The following MTUS1 variants were observed in gnomAD, a reference collection of about 807,000 sequenced individuals.
MTUS1 encodes the protein microtubule associated scaffold protein 1, also known as microtubule-associated tumor suppressor 1.
MTUS1 carries 109 observed loss-of-function variants against 120.8 expected under a neutral mutation model. The ratio of observed to expected loss-of-function variants is 0.90; its 90% CI spans 0.77 to 1.06. MTUS1 has a LOEUF of 1.06. Among genes scored for constraint, MTUS1 ranks in the 50% least tolerant of loss-of-function variants. The probability of loss-of-function intolerance (pLI) is 0.00; values close to 1 mark genes in which losing one functional copy is unlikely to be tolerated. For synonymous variants in MTUS1, 737 were observed against 550.5 expected, an observed-to-expected ratio of 1.34 and a Z score of -4.74; for missense variants, 2,210 against 1,486.3, an observed-to-expected ratio of 1.49 and a Z score of -8.01.
In MTUS1 at chr8:17,754,138, G is replaced by A. The variant is rs772008405; in HGVS notation, c.1670C>T (p.Pro557Leu). Residue 557 changes from proline (P) to leucine (L), a missense_variant, in exon 2 of 15, where the codon CCG becomes CTG. Pro to Leu is a moderately conservative substitution (Grantham distance 98). Coordinates refer to ENST00000693296, the MANE Select transcript of MTUS1 (RefSeq NM_001363059.2). The stretch of plus-strand genomic sequence containing the variant: ...TTTGTCTGCATTCAAGTCAGATCTC[G>A]GTGTTCTGCTCAAGACTGTTTGTTG... The part of the protein sequence containing the change: ...SRQQTVLSRT[P>L]RSDLNADKKA... The A allele has an allele frequency of 1.5e-5, 24 of 1,613,550 alleles. No homozygotes were observed. The highest frequency in any genetic ancestry group is 4.4e-5 in the South Asian group (4 of 91,062).
intron 1 of MTUS1, among the ~76,000 whole-genome samples, chr8:17,764,888 G>A: frequency 6.6e-6 from 1 of 152,182 alleles, no homozygotes; most frequent in East Asian, 1.9e-4. Context: ...CGGACCAGGA[G>A]GAGGGGGAGG....
At chr8:17,702,246 G>A (rs1178637340) in intron 6 of MTUS1, among the ~76,000 whole-genome samples, 1 of 152,170 alleles carries the variant, frequency 6.6e-6, no homozygotes, top group South Asian at 2.1e-4. Context: ...CCAGTACCAG[G>A]TGCTAACATT....
chr8:17,794,135 C>A (rs1586448965), intron 1 of MTUS1, among the ~76,000 whole-genome samples: 2 of 152,170 alleles, frequency 1.3e-5, no homozygotes, highest in Non-Finnish European at 1.5e-5. Context: ...CGAGACCAGC[C>A]TGATCAACAT....
In MTUS1 at chr8:17,654,923, C is replaced by A. The variant is rs1585424531; in HGVS notation, c.3109-257G>T. On this transcript the variant is annotated intron_variant, in intron 9 of 14. Transcript: ENST00000693296. ...GGGCAATGTCGCGAGACTCTGTCCC[C>A]ACATGTGCACACACAAAGAATGCAT... 2.3e-5 allele frequency: 11 copies of A among 486,298 alleles called. No individual in the cohort carries two copies. The East Asian group carries it at 2.6e-4, about 12-fold the overall frequency. The allele number at this position is 486,298 out of a possible 1,614,324, so 30.1% of individuals were successfully genotyped here.
intron 2 of MTUS1, among the ~76,000 whole-genome samples, chr8:17,744,348 AC>A (rs1449699343): frequency 6.6e-6 from 1 of 152,088 alleles, no homozygotes; most frequent in Non-Finnish European, 1.5e-5. Context: ...CATAATAAGA[AC>A]CTTGGTCTCC....
rs184649824 is a variant in MTUS1, at chr8:17,790,008, G to A, written c.-155+11053C>T. 4.1e-4 allele frequency among the ~76,000 whole-genome samples: 63 copies of A among 152,052 alleles called. 1 individual carries two copies. The highest frequency in any genetic ancestry group is 2.0e-3 in the Admixed American group (31 of 15,266). On this transcript the variant is annotated intron_variant, in intron 1 of 14. Transcript: ENST00000693296. Reference sequence around the variant, plus strand: ...CCATTTCCTCCACTAATTACCTGCCGCTCAGTAGCTTACAATAAGGAAACA... The same window carrying A: ...CCATTTCCTCCACTAATTACCTGCCACTCAGTAGCTTACAATAAGGAAACA...
intron 10 of MTUS1, 179 bp downstream of exon 10, chr8:17,654,382 C>T (rs1305646307): frequency 3.4e-6 from 2 of 593,638 alleles, no homozygotes; most frequent in East Asian, 5.5e-5. Flanking sequence ...TTATTTGCAT[C>T]CTTAGTGGGA....
intron 7 of MTUS1, among the ~76,000 whole-genome samples, chr8:17,681,250 C>T (rs1814421654): frequency 6.6e-6 from 1 of 152,038 alleles, no homozygotes; most frequent in Admixed American, 6.6e-5. Flanking sequence ...TTTCTTCCTT[C>T]AGTTGTTTGT....
At chr8:17,739,909 C>G (rs2047187472) in intron 3 of MTUS1, among the ~76,000 whole-genome samples, 1 of 152,174 alleles carries the variant, frequency 6.6e-6, no homozygotes, top group African/African-American at 2.4e-5. Context: ...CTCTTATAAT[C>G]TGGTCTCATA....
At chr8:17,795,468 T>C (rs574563004) in intron 1 of MTUS1, among the ~76,000 whole-genome samples, 13 of 151,824 alleles carry the variant, frequency 8.6e-5, no homozygotes, top group African/African-American at 2.9e-4. Context: ...CATTTAATGG[T>C]TTAAAAACCT....
intron 1 of MTUS1, among the ~76,000 whole-genome samples, chr8:17,792,040 T>G (rs549088063): frequency 6.6e-6 from 1 of 152,164 alleles, no homozygotes; most frequent in Non-Finnish European, 1.5e-5. Context: ...ATCTCAGACA[T>G]GAACCCAATT....
chr8:17,656,065 A>C lies in MTUS1; in HGVS notation c.2906T>G (p.Val969Gly). The C allele has an allele frequency of 6.2e-7, 1 of 1,614,098 alleles. No homozygotes were observed. The highest frequency in any genetic ancestry group is 8.5e-7 in the Non-Finnish European group (1 of 1,179,950). The change falls in exon 9 of 15, where the codon GTC becomes GGC. Residue 969 changes from valine (V) to glycine (G), a missense_variant and splice_region_variant. Transcript: ENST00000693296. ...TTTCTCACAGGTGGTTGAAGCAGTGACTGAAAACAGAGGAGAAAGAAGAGG... is the reference window on the plus strand; with the variant it reads ...TTTCTCACAGGTGGTTGAAGCAGTGCCTGAAAACAGAGGAGAAAGAAGAGG... ...QELVNLRGELVTASTTCEKLE... is the reference protein window; with the variant it reads ...QELVNLRGELGTASTTCEKLE...
intron 1 of MTUS1, among the ~76,000 whole-genome samples, chr8:17,765,865 G>C (rs1275141546): frequency 6.6e-6 from 1 of 151,832 alleles, no homozygotes; most frequent in East Asian, 1.9e-4. Context: ...ACAAAATCAG[G>C]TACCATAGGG....
At chr8:17,676,973 G>A (rs140471746) in intron 7 of MTUS1, among the ~76,000 whole-genome samples, 2,015 of 152,178 alleles carry the variant, frequency 0.013, 18 homozygotes, top group Middle Eastern at 0.054. Context: ...TAAGAGCTAC[G>A]GAAGTCAAGT....
intron 7 of MTUS1, among the ~76,000 whole-genome samples, chr8:17,682,355 G>A (rs571435458): frequency 6.6e-6 from 1 of 151,920 alleles, no homozygotes; most frequent in Non-Finnish European, 1.5e-5. Flanking sequence ...GTCTCTACTA[G>A]AAAATTACAA....
chr8:17,752,392 A>T (rs2048266468), intron 2 of MTUS1, among the ~76,000 whole-genome samples: 2 of 152,192 alleles, frequency 1.3e-5, no homozygotes, highest in South Asian at 2.1e-4. Flanking sequence ...AAAAAAATTA[A>T]AATTATAAAT....
chr8:17,788,435 T>C (rs1236873413), intron 1 of MTUS1, among the ~76,000 whole-genome samples: 2 of 152,212 alleles, frequency 1.3e-5, no homozygotes, highest in African/African-American at 2.4e-5. Context: ...CGATAGCTAC[T>C]AGTTACCGTT....
intron 1 of MTUS1, among the ~76,000 whole-genome samples, chr8:17,792,700 C>A (rs1027708943): frequency 1.3e-5 from 2 of 152,192 alleles, no homozygotes; most frequent in East Asian, 1.9e-4. Context: ...TCTGTCTCTA[C>A]CAAAAATACA....
intron 6 of MTUS1, among the ~76,000 whole-genome samples, chr8:17,703,333 T>C (rs1819482297): frequency 6.6e-6 from 1 of 152,142 alleles, no homozygotes; most frequent in South Asian, 2.1e-4. Flanking sequence ...GTGTCTGTCC[T>C]ATGCGGTGGA....
Sources: gnomAD v4.1 joint callset for allele counts (sites outside exome capture counted in the v4.1 genomes callset) on GRCh38, gnomAD v4.1.1 for gene constraint, MANE v1.5 for transcripts, NCBI Gene and HGNC (gene_info 2026-07-23, HGNC 2026-07-21) for gene names.